Variants in USP25 observed in about 807,000 individuals in gnomAD.
USP25 encodes ubiquitin carboxyl-terminal hydrolase 25.
USP25 carries 85 observed loss-of-function variants against 158.5 expected under a neutral mutation model. That is an observed-to-expected ratio of 0.54 (90% CI 0.45 to 0.64). The LOEUF is 0.64. USP25 is among the 30% of genes least tolerant of loss of function. The probability of loss-of-function intolerance (pLI) is 0.00; values close to 1 mark genes in which losing one functional copy is unlikely to be tolerated. For missense variants in USP25, 1,242 were observed against 1,327.3 expected (o/e 0.94, Z 1.00); for synonymous variants, 464 against 460.4 (o/e 1.01, Z -0.10).
At chr21:15,763,034 G>A in intron 2 of USP25, 66 bp downstream of exon 2, 6 of 1,416,796 alleles carry the variant, frequency 4.2e-6, no homozygotes, top group Non-Finnish European at 5.7e-6. Context: ...TATTATATTT[G>A]ATAGTTGATT....
intron 20 of USP25, among the ~76,000 whole-genome samples, chr21:15,852,409 A>G (rs2038931218): frequency 6.6e-6 from 1 of 152,114 alleles, no homozygotes; most frequent in African/African-American, 2.4e-5. Flanking sequence ...TTTGTATCTC[A>G]GTTTCCCGAG....
Position 15,824,568 on chromosome 21 carries a change from T to G in USP25, c.1209-398T>G, listed in dbSNP as rs116017574. ...TTTCTGTCTTCCTGTTTTCCTGTCTTTCTTTCTTTTGTTTTTTTCTGTCTG... is the reference window on the plus strand; with the variant it reads ...TTTCTGTCTTCCTGTTTTCCTGTCTGTCTTTCTTTTGTTTTTTTCTGTCTG... On this transcript the variant is annotated intron_variant, in intron 11 of 25. Coordinates refer to ENST00000400183, the MANE Select transcript of USP25 (RefSeq NM_001283041.3). Among the ~76,000 whole-genome samples, 483 of 152,116 alleles carry G rather than the reference T, an allele frequency of 3.2e-3. 3 individuals carry two copies. Among genetic ancestry groups the G allele is most frequent in the African/African-American group, 0.011 (472 of 41,492 alleles).
chr21:15,741,256 C>G (rs1000916213), intron 1 of USP25, among the ~76,000 whole-genome samples: 1 of 150,748 alleles, frequency 6.6e-6, no homozygotes, highest in Non-Finnish European at 1.5e-5. Context: ...TAAATATTCT[C>G]ACATCTGTGT....
intron 7 of USP25, among the ~76,000 whole-genome samples, chr21:15,806,767 T>G (rs1333305812): frequency 6.6e-6 from 1 of 152,232 alleles, no homozygotes; most frequent in Non-Finnish European, 1.5e-5. Context: ...ATTTAGTGAA[T>G]CTGTAAATGT....
At chr21:15,860,510 T>A (rs944985918) in intron 20 of USP25, among the ~76,000 whole-genome samples, 3 of 152,102 alleles carry the variant, frequency 2.0e-5, no homozygotes, top group African/African-American at 7.2e-5. Context: ...ATTCCCATAT[T>A]AGTATAGTTT....
At chr21:15,747,064 A>G (rs900606325) in intron 1 of USP25, among the ~76,000 whole-genome samples, 1 of 152,116 alleles carries the variant, frequency 6.6e-6, no homozygotes, top group Admixed American at 6.5e-5. Flanking sequence ...ATCTTTTTAT[A>G]TATTTATGGT....
chr21:15,732,185 T>C (rs2030980366), intron 1 of USP25, among the ~76,000 whole-genome samples: 1 of 152,168 alleles, frequency 6.6e-6, no homozygotes, highest in Non-Finnish European at 1.5e-5. Context: ...AAGGGAGTAG[T>C]AGTTAATTCA....
At chr21:15,792,444 T>C (rs1600928226) in intron 5 of USP25, among the ~76,000 whole-genome samples, 1 of 151,750 alleles carries the variant, frequency 6.6e-6, no homozygotes, top group East Asian at 1.9e-4. Flanking sequence ...AGTTAACTAA[T>C]GTTTTGTGTT....
chr21:15,842,489 C>A lies in USP25; in HGVS notation c.2286C>A (p.Thr762=), dbSNP rs2038384269. 3 of 1,613,560 alleles carry A rather than the reference C, an allele frequency of 1.9e-6. No individual in the cohort carries two copies. The African/African-American group carries it at 4.0e-5, about 22-fold the overall frequency. The part of the protein sequence containing the change: ...HLKEETIQII[T]KASHEHEDKS... ...AAGAAGAAACTATTCAAATAATTAC[C>A]AAGGCATCACATGAGCATGAAGATA... Residue 762 remains threonine, a synonymous_variant, in exon 18 of 26, where the codon ACC becomes ACA. Transcript: ENST00000400183.
rs117280553 is a variant in USP25, at chr21:15,834,844, T to C, written c.2194+1296T>C. 2.8e-3 allele frequency among the ~76,000 whole-genome samples: 421 copies of C among 152,310 alleles called. 1 individual carries two copies. The highest frequency in any genetic ancestry group is 4.2e-3 in the Non-Finnish European group (284 of 68,012). On this transcript the variant is annotated intron_variant, in intron 17 of 25. Coordinates refer to ENST00000400183, the MANE Select transcript of USP25 (RefSeq NM_001283041.3). ...CTCTACCATTATGTAGGGCTGCACTTTTCCCCCACGTGTACAAGGCTACCG... is the reference window on the plus strand; with the variant it reads ...CTCTACCATTATGTAGGGCTGCACTCTTCCCCCACGTGTACAAGGCTACCG...
chr21:15,855,482 G>A (rs533853452), intron 20 of USP25, among the ~76,000 whole-genome samples: 4 of 152,144 alleles, frequency 2.6e-5, no homozygotes, highest in African/African-American at 9.6e-5. Flanking sequence ...TTATCAACAT[G>A]GTATTAATGA....
intron 6 of USP25, among the ~76,000 whole-genome samples, chr21:15,803,018 T>TA (rs1248960645): frequency 6.6e-6 from 1 of 151,670 alleles, no homozygotes; most frequent in Admixed American, 6.6e-5. Context: ...TGGAATATTA[T>TA]AAACAGCAGA....
At chr21:15,804,402 T>G (rs2036274399) in intron 6 of USP25, among the ~76,000 whole-genome samples, 1 of 151,342 alleles carries the variant, frequency 6.6e-6, no homozygotes, top group Non-Finnish European at 1.5e-5. Context: ...ATTTAAATAT[T>G]GTGATTGAAT....
At position 15,798,536 on chromosome 21, in the gene USP25, C is replaced by T. The variant is rs142370966; in HGVS notation, c.556-1221C>T. 2.5e-3 allele frequency among the ~76,000 whole-genome samples: 377 copies of T among 151,262 alleles called. 5 individuals carry two copies. Among genetic ancestry groups the T allele is most frequent in the Middle Eastern group, 0.01 (3 of 294 alleles). ...TCATATCCCTTCTGGTTTATTACTT[C>T]TACTCTTACTGTTTTAAAAAGCAGT... On this transcript the variant is annotated intron_variant, in intron 5 of 25. Transcript: ENST00000400183.
At chr21:15,750,128 A>G (rs956423863) in intron 1 of USP25, among the ~76,000 whole-genome samples, 9 of 151,518 alleles carry the variant, frequency 5.9e-5, no homozygotes, top group East Asian at 3.9e-4. Flanking sequence ...ATTGAGCCCA[A>G]TCACCAATGG....
intron 1 of USP25, among the ~76,000 whole-genome samples, chr21:15,730,891 C>T (rs2030771566): frequency 6.6e-6 from 1 of 150,768 alleles, no homozygotes; most frequent in South Asian, 2.1e-4. Flanking sequence ...GCGGGGCAGG[C>T]GTGTTGACCA....
rs993808954 is a variant in USP25, at chr21:15,826,911, G to A, written c.1467-66G>A. On this transcript the variant is annotated intron_variant, in intron 13 of 25. Transcript: ENST00000400183. This position sits in a 1 kb window ranked among gnomAD's most constrained non-coding sequence, Gnocchi z 4.8. ...CAAGCCAATTTAATACTGTGGGTTT[G>A]GCACGATCTTTGTCAAGAGTTTCAG... The A allele has an allele frequency of 7.6e-5, 117 of 1,538,960 alleles. No homozygotes were observed. Among genetic ancestry groups the A allele is most frequent in the Non-Finnish European group, 1.0e-4 (114 of 1,125,706 alleles).
At chr21:15,859,812 A>C (rs2039336697) in intron 20 of USP25, among the ~76,000 whole-genome samples, 1 of 151,700 alleles carries the variant, frequency 6.6e-6, no homozygotes, top group Non-Finnish European at 1.5e-5. Context: ...ATTTCTACCG[A>C]TGAGTTTTCT....
intron 9 of USP25, among the ~76,000 whole-genome samples, chr21:15,813,576 T>G (rs1196663486): frequency 6.6e-6 from 1 of 152,208 alleles, no homozygotes; most frequent in East Asian, 1.9e-4. Context: ...ATGCTTTTAC[T>G]CAGACCTTAC....
Sources: gnomAD v4.1 joint callset for allele counts (sites outside exome capture counted in the v4.1 genomes callset) on GRCh38, gnomAD v4.1.1 for gene constraint, Gnocchi (gnomAD v3.1) non-coding constraint, MANE v1.5 for transcripts, NCBI Gene and HGNC (gene_info 2026-07-23, HGNC 2026-07-21) for gene names.